SHC4: variants seen among roughly 807,000 people sequenced by gnomAD.
SHC4 encodes the protein SHC-transforming protein 4.
In SHC4, 41 loss-of-function variants were observed where a neutral mutation model predicts 69.4. The ratio of observed to expected loss-of-function variants is 0.59; its 90% CI spans 0.46 to 0.77. The LOEUF is 0.77. SHC4 is among the 30% of genes least tolerant of loss of function. The pLI is 0.00. For synonymous variants in SHC4, 318 were observed against 299.3 expected, an observed-to-expected ratio of 1.06 and a Z score of -0.64; for missense variants, 777 against 783.8, an observed-to-expected ratio of 0.99 and a Z score of 0.10.
intron 2 of SHC4, among the ~76,000 whole-genome samples, chr15:48,922,290 T>A (rs1245608681): frequency 6.6e-6 from 1 of 152,174 alleles, no homozygotes; most frequent in Non-Finnish European, 1.5e-5. Context: ...TCCATAAACA[T>A]TCGAGTGAAA....
At chr15:48,867,370 T>A (rs1423282610) in intron 6 of SHC4, among the ~76,000 whole-genome samples, 2 of 152,130 alleles carry the variant, frequency 1.3e-5, no homozygotes, top group African/African-American at 4.8e-5. Flanking sequence ...ATCCATATGA[T>A]GAAGTCAAGC....
At chr15:48,927,681 C>A (rs1167136973) in intron 1 of SHC4, among the ~76,000 whole-genome samples, 1 of 152,112 alleles carries the variant, frequency 6.6e-6, no homozygotes, top group African/African-American at 2.4e-5. Flanking sequence ...GCCACATTGG[C>A]CTCCTTTCTA....
rs149730167 is a variant in SHC4, at chr15:48,920,408, C to T, written c.656+4471G>A. On this transcript the variant is annotated intron_variant, in intron 2 of 11. Coordinates refer to ENST00000332408, the MANE Select transcript of SHC4 (RefSeq NM_203349.4). ...TGATGAATGATCATTCTTGATAAAC[C>T]CGAATAATGCACTCATTTTAATTTA... Among the ~76,000 whole-genome samples, 812 of 151,840 alleles carry T rather than the reference C, an allele frequency of 5.3e-3. 7 individuals are homozygous for T. Among genetic ancestry groups the T allele is most frequent in the African/African-American group, 0.019 (793 of 41,412 alleles).
rs1393866528 is a variant in SHC4, at chr15:48,896,960, CA to C, written c.657-6150del. 2.6e-5 allele frequency among the ~76,000 whole-genome samples: 4 copies of C among 152,184 alleles called. No homozygotes were observed. The East Asian group carries it at 7.7e-4, about 29-fold the overall frequency. The stretch of plus-strand genomic sequence containing the variant: ...CAGCCACACCCTTGGGCCAACTTTA[CA>C]AATGCCGAGGAGAAAGAAAAAGAAA... On this transcript the variant is annotated intron_variant, in intron 2 of 11. Transcript: ENST00000332408.
intron 9 of SHC4, among the ~76,000 whole-genome samples, chr15:48,845,936 G>A (rs1278932921): frequency 2.0e-5 from 3 of 151,850 alleles, no homozygotes; most frequent in Non-Finnish European, 4.4e-5. Context: ...TTATGTAGGA[G>A]TGCCTGCTCA....
chr15:48,955,952 G>A (rs1901446159), intron 1 of SHC4, among the ~76,000 whole-genome samples: 1 of 152,164 alleles, frequency 6.6e-6, no homozygotes, highest in South Asian at 2.1e-4. Context: ...GCAAAATGAA[G>A]TGTGTGGACT....
At chr15:48,935,156 G>A (rs928482103) in intron 1 of SHC4, among the ~76,000 whole-genome samples, 2 of 152,234 alleles carry the variant, frequency 1.3e-5, no homozygotes, top group African/African-American at 4.8e-5. Context: ...TGCAGGCAGT[G>A]TGTGATCCTT....
chr15:48,958,048 G>T (rs908308774), intron 1 of SHC4, among the ~76,000 whole-genome samples: 1 of 152,192 alleles, frequency 6.6e-6, no homozygotes. Context: ...GATTTCAGAC[G>T]TCCAGCCTCA....
At chr15:48,829,345 T>C (rs748730186) in intron 11 of SHC4, among the ~76,000 whole-genome samples, 1 of 152,212 alleles carries the variant, frequency 6.6e-6, no homozygotes, top group Non-Finnish European at 1.5e-5. Flanking sequence ...AATCCCCTAC[T>C]ATTATTGTTT....
At chr15:48,920,372 G>A (rs1367476475) in intron 2 of SHC4, among the ~76,000 whole-genome samples, 1 of 151,784 alleles carries the variant, frequency 6.6e-6, no homozygotes, top group Non-Finnish European at 1.5e-5. Context: ...TTGTAATATT[G>A]CACATCTGAG....
rs10523567 is a variant in SHC4, at chr15:48,880,985, A to AGTGTGTGTGT, written c.840+3253_840+3262dup. Among the ~76,000 whole-genome samples the AGTGTGTGTGT allele has an allele frequency of 3.4e-5, 5 of 145,974 alleles. No homozygotes were observed. In the East Asian group the frequency reaches 1.0e-3, roughly 29 times the overall value. On this transcript the variant is annotated intron_variant, in intron 4 of 11. Transcript: ENST00000332408. ...AGGACTAAATGATGATGTGTGTGAGAGTGTGTGTGTGTGTGTGTGTGTGTG... is the reference window on the plus strand; with the variant it reads ...AGGACTAAATGATGATGTGTGTGAGAGTGTGTGTGTGTGTGTGTGTGTGTGTGTGTGTGTG...
At chr15:48,954,492 A>G (rs1048163278) in intron 1 of SHC4, among the ~76,000 whole-genome samples, 1 of 152,358 alleles carries the variant, frequency 6.6e-6, no homozygotes, top group Middle Eastern at 3.4e-3. Flanking sequence ...TCCTCAGCAA[A>G]CTTTGGGAAA....
chr15:48,886,660 T>A (rs1900041321), intron 3 of SHC4, among the ~76,000 whole-genome samples: 1 of 152,200 alleles, frequency 6.6e-6, no homozygotes, highest in Non-Finnish European at 1.5e-5. Flanking sequence ...GCCATGGGAA[T>A]CTTAGGAGAA....
chr15:48,910,866 G>T (rs937760998), intron 2 of SHC4, among the ~76,000 whole-genome samples: 2 of 152,154 alleles, frequency 1.3e-5, no homozygotes, highest in African/African-American at 4.8e-5. Context: ...CCATGTATTT[G>T]CAGGGTTTTG....
intron 2 of SHC4, among the ~76,000 whole-genome samples, chr15:48,902,510 C>T (rs1900335820): frequency 6.6e-6 from 1 of 152,130 alleles, no homozygotes; most frequent in South Asian, 2.1e-4. Context: ...CTATATAAAT[C>T]CAATCCCCCT....
chr15:48,900,407 T>C (rs899213451), intron 2 of SHC4, among the ~76,000 whole-genome samples: 1 of 151,518 alleles, frequency 6.6e-6, no homozygotes, highest in Non-Finnish European at 1.5e-5. Flanking sequence ...CTTGGGAGGC[T>C]GAGGCAGGAG....
chr15:48,920,872 C>T (rs542163490), intron 2 of SHC4, among the ~76,000 whole-genome samples: 28 of 151,212 alleles, frequency 1.9e-4, no homozygotes, highest in African/African-American at 6.8e-4. Flanking sequence ...TCCCATGAGC[C>T]CAGAAGTTAA....
chr15:48,907,217 T>C (rs1283020233), intron 2 of SHC4, among the ~76,000 whole-genome samples: 1 of 151,902 alleles, frequency 6.6e-6, no homozygotes, highest in Non-Finnish European at 1.5e-5. Flanking sequence ...TTCTTTCTTT[T>C]TTTTTTTTCT....
In SHC4 at chr15:48,884,234, A is replaced by T; in HGVS notation, c.840+14T>A. The T allele has an allele frequency of 1.3e-6, 2 of 1,584,380 alleles. No homozygotes were observed. The highest frequency in any genetic ancestry group is 1.7e-6 in the Non-Finnish European group (2 of 1,170,978). On this transcript the variant is annotated intron_variant, in intron 4 of 11. Coordinates refer to ENST00000332408, the MANE Select transcript of SHC4 (RefSeq NM_203349.4). ...ATAGATATGTTTATCTATAAATGAC[A>T]TTTGTGATCTTACCTGTTGGTTGTC...
Sources: allele counts gnomAD v4.1 joint callset (sites outside exome capture counted in the v4.1 genomes callset), GRCh38; gene constraint gnomAD v4.1.1; transcripts MANE v1.5; gene names NCBI Gene and HGNC (gene_info 2026-07-23, HGNC 2026-07-21).